The following FAF1 variants were observed in gnomAD, a reference collection of about 807,000 sequenced individuals.
FAF1 encodes the protein FAS-associated factor 1.
FAF1 carries 25 observed loss-of-function variants against 92.5 expected under a neutral mutation model. That is an observed-to-expected ratio of 0.27 (90% CI 0.20 to 0.38). The LOEUF is 0.38. FAF1 is among the 10% of genes least tolerant of loss of function. The probability of loss-of-function intolerance (pLI) is 1.00; values close to 1 mark genes in which losing one functional copy is unlikely to be tolerated. For missense variants in FAF1, 636 were observed against 793.3 expected (o/e 0.80, Z 2.38); for synonymous variants, 234 against 273.2 (o/e 0.86, Z 1.42).
At chr1:50,653,628 G>A (rs1409401218) in intron 8 of FAF1, among the ~76,000 whole-genome samples, 1 of 152,168 alleles carries the variant, frequency 6.6e-6, no homozygotes, top group Non-Finnish European at 1.5e-5. Context: ...CACTTTGGGA[G>A]GCCGAGGCAG....
chr1:50,620,519 G>A (rs749182674), intron 8 of FAF1, among the ~76,000 whole-genome samples: 25 of 152,110 alleles, frequency 1.6e-4, no homozygotes, highest in Non-Finnish European at 3.5e-4. Flanking sequence ...AATGCACTTC[G>A]TTGACATCCA....
chr1:50,801,735 TGGA>T, intron 2 of FAF1, 58 bp from the exon 3 acceptor site: 1 of 947,516 alleles, frequency 1.1e-6, no homozygotes, highest in Non-Finnish European at 1.7e-6. Context: ...CCAAGTGTGG[TGGA>T]GAACACTTTA....
At chr1:50,535,036 T>C (rs1042568456) in intron 15 of FAF1, among the ~76,000 whole-genome samples, 3 of 152,214 alleles carry the variant, frequency 2.0e-5, no homozygotes, top group Non-Finnish European at 4.4e-5. Flanking sequence ...AACTGAGTGA[T>C]AAAATCCATA....
At chr1:50,892,593 C>G (rs1410819826) in intron 1 of FAF1, among the ~76,000 whole-genome samples, 1 of 152,152 alleles carries the variant, frequency 6.6e-6, no homozygotes, top group African/African-American at 2.4e-5. Context: ...TATGTTGTTT[C>G]TCTTCTCTTA....
At chr1:50,766,803 A>G (rs1660590643) in intron 4 of FAF1, among the ~76,000 whole-genome samples, 1 of 151,236 alleles carries the variant, frequency 6.6e-6, no homozygotes, top group African/African-American at 2.4e-5. Context: ...AAAAAAAAAA[A>G]AAAAAAAAAC....
chr1:50,888,696 G>C (rs1200972205), intron 1 of FAF1, among the ~76,000 whole-genome samples: 1 of 152,164 alleles, frequency 6.6e-6, no homozygotes, highest in Admixed American at 6.5e-5. Context: ...AACGAGCCTT[G>C]CATCCCAGGG....
At chr1:50,689,213 C>A (rs1656803563) in intron 7 of FAF1, among the ~76,000 whole-genome samples, 2 of 152,054 alleles carry the variant, frequency 1.3e-5, no homozygotes, top group Admixed American at 1.3e-4. Context: ...AGAAAAAACA[C>A]AGAAAAAATC....
intron 13 of FAF1, among the ~76,000 whole-genome samples, chr1:50,544,749 G>A (rs1648929217): frequency 6.6e-6 from 1 of 152,190 alleles, no homozygotes; most frequent in Non-Finnish European, 1.5e-5. Flanking sequence ...AGCAGGGAAG[G>A]GGAGGTTGTA....
chr1:50,607,121 G>A (rs1652465260), intron 8 of FAF1, among the ~76,000 whole-genome samples: 2 of 152,104 alleles, frequency 1.3e-5, no homozygotes. Flanking sequence ...TAGCCTGTAA[G>A]CCACCTTTTT....
chr1:50,923,661 T>C (rs1410265708), intron 1 of FAF1, among the ~76,000 whole-genome samples: 4 of 152,146 alleles, frequency 2.6e-5, no homozygotes, highest in Non-Finnish European at 5.9e-5. Context: ...CTGATGAACA[T>C]AGATTCGATA....
intron 13 of FAF1, among the ~76,000 whole-genome samples, chr1:50,559,236 G>C (rs1426250962): frequency 2.6e-5 from 4 of 150,946 alleles, no homozygotes; most frequent in African/African-American, 9.8e-5. Flanking sequence ...AGGCAACAGA[G>C]CGAGACTCCG....
chr1:50,602,645 G>T (rs897094969), intron 8 of FAF1, among the ~76,000 whole-genome samples: 1 of 151,764 alleles, frequency 6.6e-6, no homozygotes, highest in Non-Finnish European at 1.5e-5. Flanking sequence ...TGGGACTACA[G>T]GTGCATGCCA....
At chr1:50,680,915 A>T (rs535435138) in intron 7 of FAF1, among the ~76,000 whole-genome samples, 44 of 152,286 alleles carry the variant, frequency 2.9e-4, no homozygotes, top group African/African-American at 1.0e-3. Flanking sequence ...CATAGAATTT[A>T]AGCAAACCAA....
chr1:50,838,744 T>C (rs2124641953), intron 2 of FAF1, among the ~76,000 whole-genome samples: 1 of 152,162 alleles, frequency 6.6e-6, no homozygotes, highest in Admixed American at 6.5e-5. Context: ...GGATTTTATT[T>C]TGAAAACTCC....
At chr1:50,460,634 TAC>T (rs1475733115) in intron 18 of FAF1, among the ~76,000 whole-genome samples, 2 of 149,954 alleles carry the variant, frequency 1.3e-5, no homozygotes, top group Non-Finnish European at 3.0e-5. Context: ...TTTGTGTATA[TAC>T]ACACACTTTT....
chr1:50,649,177 CAG>C (rs1220631840), intron 8 of FAF1, among the ~76,000 whole-genome samples: 1 of 150,290 alleles, frequency 6.7e-6, no homozygotes, highest in Non-Finnish European at 1.5e-5. Context: ...TTTTTTTAGA[CAG>C]AGTTTTGCTC....
intron 6 of FAF1, among the ~76,000 whole-genome samples, chr1:50,722,865 C>A (rs1376640745): frequency 2.0e-5 from 3 of 152,072 alleles, no homozygotes; most frequent in Non-Finnish European, 2.9e-5. Flanking sequence ...GTAAATCGAC[C>A]ATTTTACTTC....
chr1:50,808,211 T>G (rs1557537618), intron 2 of FAF1, among the ~76,000 whole-genome samples: 1 of 152,178 alleles, frequency 6.6e-6, no homozygotes, highest in Non-Finnish European at 1.5e-5. Flanking sequence ...AAGCAAATGC[T>G]AAGGGAATTT....
intron 9 of FAF1, among the ~76,000 whole-genome samples, chr1:50,593,953 T>C (rs1399110228): frequency 2.0e-5 from 3 of 152,116 alleles, no homozygotes; most frequent in Admixed American, 6.5e-5. Flanking sequence ...AGAATGTAAA[T>C]GGAAAAAAAT....
Sources: gnomAD v4.1 joint callset for allele counts (sites outside exome capture counted in the v4.1 genomes callset) on GRCh38, gnomAD v4.1.1 for gene constraint, MANE v1.5 for transcripts, NCBI Gene and HGNC (gene_info 2026-07-23, HGNC 2026-07-21) for gene names.